The following HTRA4 variants were observed in gnomAD, a reference collection of about 807,000 sequenced individuals.
HTRA4 encodes HtrA serine peptidase 4, also known as serine protease HTRA4.
A neutral mutation model predicts 49.1 loss-of-function variants in HTRA4; 46 were observed. The observed-to-expected ratio is 0.94, with a 90% CI of 0.74 to 1.20. The LOEUF (loss-of-function observed/expected upper bound fraction) is 1.20. Ranked by LOEUF, HTRA4 falls within the 50% of genes most tolerant of loss-of-function variation. The pLI is 0.00. For synonymous variants in HTRA4, 261 were observed against 264.0 expected (o/e 0.99, Z 0.11); for missense variants, 602 against 636.9 (o/e 0.95, Z 0.59).
chr8:38,978,076 C>T lies in HTRA4; in HGVS notation c.895C>T (p.Gln299Ter). The T allele has an allele frequency of 6.2e-7, 1 of 1,614,176 alleles. No individual in the cohort carries two copies. The highest frequency in any genetic ancestry group is 8.5e-7 in the Non-Finnish European group (1 of 1,180,038). ...TATAGIVSTKQRGGKELGMKD... is the reference protein window; with the variant it reads ...TATAGIVSTK ...TACTGCAGGAATTGTCAGCACCAAA[C>T]AGCGAGGGGGCAAAGAACTGGGGAT... The change falls in exon 4 of 9, where the codon CAG becomes TAG. Residue 299 changes from glutamine (Q) to a stop codon, truncating the protein, a stop_gained. Transcript: ENST00000302495. LOFTEE classifies it high-confidence loss of function.
At chr8:38,987,396 C>A (rs1372326753) in intron 8 of HTRA4, among the ~76,000 whole-genome samples, 2 of 127,944 alleles carry the variant, frequency 1.6e-5, no homozygotes, top group South Asian at 5.1e-4. Flanking sequence ...AGAAGGTTGG[C>A]GGGTTTTTGA....
intron 3 of HTRA4, among the ~76,000 whole-genome samples, chr8:38,977,024 C>T (rs1006810372): frequency 5.9e-5 from 9 of 152,152 alleles, no homozygotes; most frequent in Non-Finnish European, 1.2e-4. Flanking sequence ...CAACCTCTGC[C>T]TCCTGGGTTC....
chr8:38,974,837 A>AT lies in HTRA4; in HGVS notation c.466+111dup, dbSNP rs564661538. 2.1e-4 allele frequency: 251 copies of AT among 1,210,650 alleles called. 3 individuals carry two copies. In the South Asian group the frequency reaches 3.5e-3, roughly 17 times the overall value. 75.0% of individuals were successfully genotyped at this position (1,210,650 alleles called of 1,614,324 possible). A position where few individuals can be genotyped will look rare whatever the true frequency, so the allele number is the denominator to read the frequency against. ...AGTTCGCGCCTGGTCCTCCTGCGTC[A>AT]TTTGCCTCCTGGATTCGACACCTCT... On this transcript the variant is annotated intron_variant, in intron 1 of 8. Coordinates refer to ENST00000302495, the MANE Select transcript of HTRA4 (RefSeq NM_153692.4).
rs1835309904 is a variant in HTRA4 at position 38,974,273 on chromosome 8, C to T, written c.10C>T (p.Pro4Ser). Residue 4 changes from proline (P) to serine (S), a missense_variant, in exon 1 of 9, where the codon CCT becomes TCT. By Grantham distance (74) the Pro-to-Ser change is moderately conservative. Transcript: ENST00000302495. MIR[P>S]QLRTAGLGRC... ...GCGAGGAAGGAACAGGATGATTAGA[C>T]CTCAGCTGCGGACCGCGGGGCTGGG... 6.2e-7 allele frequency: 1 copy of T among 1,612,172 alleles called. No individual in the cohort carries two copies. Among genetic ancestry groups the T allele is most frequent in the Non-Finnish European group, 8.5e-7 (1 of 1,179,382 alleles).
intron 3 of HTRA4, among the ~76,000 whole-genome samples, chr8:38,977,046 C>G (rs1588290806): frequency 6.6e-6 from 1 of 152,152 alleles, no homozygotes; most frequent in African/African-American, 2.4e-5. Flanking sequence ...AGTGATTCTC[C>G]TGCCTCAGCT....
At chr8:38,986,846 G>A (rs568787969) in intron 8 of HTRA4, among the ~76,000 whole-genome samples, 7 of 152,330 alleles carry the variant, frequency 4.6e-5, no homozygotes, top group Admixed American at 2.6e-4. Context: ...CAAGTTGCAT[G>A]ACACAGAAAA....
At chr8:38,975,180 G>A (rs981208650) in intron 2 of HTRA4, 50 bp downstream of exon 2, 10 of 1,559,058 alleles carry the variant, frequency 6.4e-6, no homozygotes, top group African/African-American at 5.4e-5. Context: ...TGGTTTCTGC[G>A]TGCCTACCTG....
At chr8:38,978,851 T>C (rs1835384792) in intron 4 of HTRA4, among the ~76,000 whole-genome samples, 1 of 151,900 alleles carries the variant, frequency 6.6e-6, no homozygotes. Flanking sequence ...AAAAATTAGC[T>C]GGGCATGGTG....
chr8:38,974,758 A>T (rs955451538), intron 1 of HTRA4, 29 bp downstream of exon 1: 7 of 1,408,332 alleles, frequency 5.0e-6, no homozygotes, highest in Non-Finnish European at 5.5e-6. Context: ...CGCCCTCGGA[A>T]CACTTTCTAA....
At position 38,974,702 on chromosome 8, in the gene HTRA4, G is replaced by A. The variant is rs1365212630; in HGVS notation, c.439G>A (p.Val147Met). 1.4e-6 allele frequency: 2 copies of A among 1,424,696 alleles called. No individual in the cohort carries two copies. Among genetic ancestry groups the A allele is most frequent in the East Asian group, 5.4e-5 (2 of 37,198 alleles). The allele number at this position is 1,424,696 out of a possible 1,614,324, so 88.3% of individuals were successfully genotyped here. A position where few individuals can be genotyped will look rare whatever the true frequency, so the allele number is the denominator to read the frequency against. The change falls in exon 1 of 9, where the codon GTG becomes ATG. Residue 147 changes from valine (V) to methionine (M), a missense_variant. Val to Met is a conservative substitution (Grantham distance 21). Coordinates refer to ENST00000302495, the MANE Select transcript of HTRA4 (RefSeq NM_153692.4). ...RRLGKVPAVP[V>M]QWGNCGDTGT... ...CCTGGGCAAGGTCCCGGCCGTGCCT[G>A]TGCAGTGGGGGAACTGCGGGGATAC... is the stretch of plus-strand genomic sequence containing the variant.
intron 2 of HTRA4, 47 bp from the exon 3 acceptor site, chr8:38,976,488 C>T: frequency 6.4e-7 from 1 of 1,555,552 alleles, no homozygotes; most frequent in Non-Finnish European, 8.9e-7. Flanking sequence ...TGGCTGTATC[C>T]CCTAACTTTC....
intron 2 of HTRA4, 69 bp from the exon 3 acceptor site, chr8:38,976,466 A>G: frequency 1.4e-6 from 2 of 1,400,182 alleles, no homozygotes; most frequent in Non-Finnish European, 2.0e-6. Flanking sequence ...GGTTCCCATG[A>G]CTCAGATTAT....
intron 6 of HTRA4, among the ~76,000 whole-genome samples, chr8:38,982,149 G>A (rs1052460804): frequency 3.9e-5 from 6 of 152,116 alleles, no homozygotes; most frequent in African/African-American, 7.2e-5. Context: ...TGCCTGGCCC[G>A]GAGACAGCCA....
At chr8:38,984,750 A>G (rs7830344) in intron 8 of HTRA4, among the ~76,000 whole-genome samples, 4,983 of 151,966 alleles carry the variant, frequency 0.033, 262 homozygotes, top group African/African-American at 0.11. Context: ...CCCCATTTAA[A>G]AAAACAAAAA....
At position 38,988,268 on chromosome 8, in the gene HTRA4, A is replaced by G; in HGVS notation, c.*170A>G. ...CATCAATGACAGACTGGATAAAGCA[A>G]ATGTGGTACATATACACCATGGAAT... is the stretch of plus-strand genomic sequence containing the variant. On this transcript the variant is annotated 3_prime_UTR_variant, in exon 9 of 9. Coordinates refer to ENST00000302495, the MANE Select transcript of HTRA4 (RefSeq NM_153692.4). The G allele has an allele frequency of 1.7e-6, 1 of 588,596 alleles. No homozygotes were observed. 36.5% of individuals were successfully genotyped at this position (588,596 alleles called of 1,614,324 possible). A position where few individuals can be genotyped will look rare whatever the true frequency, so the allele number is the denominator to read the frequency against.
Position 38,974,476 on chromosome 8 carries a change from C to G in HTRA4, c.213C>G (p.Val71=). 1 of 1,526,920 alleles carries G rather than the reference C, an allele frequency of 6.5e-7. No individual in the cohort carries two copies. Among genetic ancestry groups the G allele is most frequent in the African/African-American group, 1.4e-5 (1 of 71,754 alleles). 94.6% of individuals were successfully genotyped at this position (1,526,920 alleles called of 1,614,324 possible). A position where few individuals can be genotyped will look rare whatever the true frequency, so the allele number is the denominator to read the frequency against. The change falls in exon 1 of 9, where the codon GTC becomes GTG. Residue 71 remains valine (V), a synonymous_variant. Transcript: ENST00000302495. ...TCGACCTGTGCCGCTGTTGCCGCGT[C>G]TGCCCCGCGGCCGAGCGTGAAGTCT... The part of the protein sequence containing the change: ...PVFDLCRCCR[V]CPAAEREVCG...
intron 1 of HTRA4, 141 bp from the exon 2 acceptor site, chr8:38,974,890 C>A (rs1275518011): frequency 2.5e-6 from 3 of 1,207,564 alleles, no homozygotes; most frequent in South Asian, 2.8e-5. Context: ...TCCTCCTTAA[C>A]AGGGGCTCTT....
chr8:38,987,144 C>T (rs1835491551), intron 8 of HTRA4, among the ~76,000 whole-genome samples: 2 of 152,182 alleles, frequency 1.3e-5, no homozygotes, highest in African/African-American at 4.8e-5. Context: ...ACCACATTAT[C>T]ATTCTTCCTT....
At chr8:38,978,311 A>C in intron 4 of HTRA4, among the ~76,000 whole-genome samples, 164 bp downstream of exon 4, 1 of 152,272 alleles carries the variant, frequency 6.6e-6, no homozygotes, top group East Asian at 1.9e-4. Context: ...TTAAATTCTC[A>C]TAGGAGTGCA....
Sources: gnomAD v4.1 joint callset for allele counts (sites outside exome capture counted in the v4.1 genomes callset) on GRCh38, gnomAD v4.1.1 for gene constraint, MANE v1.5 for transcripts, NCBI Gene and HGNC (gene_info 2026-07-23, HGNC 2026-07-21) for gene names.